The following CTNNA2 variants were observed in gnomAD, a reference collection of about 807,000 sequenced individuals.
The protein encoded by CTNNA2 is catenin alpha-2.
A neutral mutation model predicts 101.0 loss-of-function variants in CTNNA2; 42 were observed. That is an observed-to-expected ratio of 0.42 (90% CI 0.32 to 0.54). The LOEUF is 0.54. Ranked by LOEUF, CTNNA2 falls within the 20% of genes least tolerant of loss-of-function variation. The pLI is 0.14. For missense variants in CTNNA2, 871 were observed against 1,223.1 expected, an observed-to-expected ratio of 0.71 and a Z score of 4.29; for synonymous variants, 450 against 456.4, an observed-to-expected ratio of 0.99 and a Z score of 0.18.
chr2:79,315,709 T>G (rs1170234597), intron 3 of CTNNA2, among the ~76,000 whole-genome samples: 1 of 152,172 alleles, frequency 6.6e-6, no homozygotes, highest in Non-Finnish European at 1.5e-5. Flanking sequence ...ATAGTGCTAC[T>G]ATGAATATCC....
intron 9 of CTNNA2, among the ~76,000 whole-genome samples, chr2:80,428,015 G>C (rs776478001): frequency 1.3e-5 from 2 of 152,204 alleles, no homozygotes; most frequent in African/African-American, 2.4e-5. Context: ...GAATGAAGGA[G>C]GAGGGCATGT....
intron 9 of CTNNA2, among the ~76,000 whole-genome samples, chr2:80,511,708 C>A (rs770841722): frequency 3.3e-5 from 5 of 152,152 alleles, no homozygotes; most frequent in African/African-American, 7.2e-5. Flanking sequence ...TACTGTAATA[C>A]TACTAAAAAT....
chr2:79,735,393 C>T (rs1026730647), intron 2 of CTNNA2, among the ~76,000 whole-genome samples: 10 of 152,098 alleles, frequency 6.6e-5, no homozygotes, highest in African/African-American at 2.4e-4. Flanking sequence ...TCACCGACAA[C>T]ATGAAAGGAT....
At chr2:79,251,148 C>G (rs928961026) in intron 2 of CTNNA2, among the ~76,000 whole-genome samples, 4 of 152,124 alleles carry the variant, frequency 2.6e-5, no homozygotes, top group Non-Finnish European at 4.4e-5. Context: ...CACCAAGGCC[C>G]CAGATGCCCA....
chr2:79,447,321 T>C (rs544332056), intron 4 of CTNNA2, among the ~76,000 whole-genome samples: 3 of 152,102 alleles, frequency 2.0e-5, no homozygotes, highest in African/African-American at 7.2e-5. Flanking sequence ...GTTAGCCTTA[T>C]GCTATAAAAA....
Position 79,646,573 on chromosome 2 carries a change from G to A in CTNNA2, c.-5-4979G>A, listed in dbSNP as rs114313928. Among the ~76,000 whole-genome samples, 1,131 of 136,176 alleles carry A rather than the reference G, an allele frequency of 8.3e-3. 22 individuals are homozygous for A. The highest frequency in any genetic ancestry group is 0.029 in the African/African-American group (1,040 of 36,396). 89.3% of individuals were successfully genotyped at this position (136,176 alleles called of 152,430 possible). ...AGAAAGGATCTCATTCTGTTGCTCA[G>A]GCTGGAGTGCAGTGGCACAATCATG... On this transcript the variant is annotated intron_variant, in intron 1 of 18. Transcript: ENST00000402739.
chr2:80,311,690 T>C (rs944667888), intron 7 of CTNNA2, among the ~76,000 whole-genome samples: 1 of 152,252 alleles, frequency 6.6e-6, no homozygotes, highest in Non-Finnish European at 1.5e-5. Flanking sequence ...TAAAAGTATT[T>C]AAATGCATTT....
At chr2:79,892,599 C>A (rs1333114490) in intron 6 of CTNNA2, among the ~76,000 whole-genome samples, 2 of 152,096 alleles carry the variant, frequency 1.3e-5, no homozygotes, top group African/African-American at 4.8e-5. Context: ...AAAGATAGGG[C>A]ACTTGTATTT....
chr2:80,538,771 G>A (rs551302496), intron 9 of CTNNA2, among the ~76,000 whole-genome samples: 2 of 152,272 alleles, frequency 1.3e-5, no homozygotes, highest in African/African-American at 4.8e-5. Context: ...GAAAGTGAAT[G>A]GTAGCTTAAT....
intron 9 of CTNNA2, among the ~76,000 whole-genome samples, chr2:80,465,518 T>C (rs962294409): frequency 1.3e-5 from 2 of 152,130 alleles, no homozygotes; most frequent in Admixed American, 6.5e-5. Flanking sequence ...TATCTTGGAA[T>C]GCTTGAAGAA....
At chr2:80,056,211 C>T (rs1230566892) in intron 7 of CTNNA2, among the ~76,000 whole-genome samples, 1 of 152,120 alleles carries the variant, frequency 6.6e-6, no homozygotes, top group African/African-American at 2.4e-5. Flanking sequence ...AGAGAAAAAG[C>T]ATGAGAGAGG....
chr2:80,382,657 G>A (rs1190954745), intron 7 of CTNNA2, among the ~76,000 whole-genome samples: 1 of 152,164 alleles, frequency 6.6e-6, no homozygotes, highest in East Asian at 1.9e-4. Context: ...GGCACAGGGA[G>A]GTCAAGACTG....
At chr2:79,868,277 G>A (rs902872916) in intron 4 of CTNNA2, among the ~76,000 whole-genome samples, 2 of 152,082 alleles carry the variant, frequency 1.3e-5, no homozygotes, top group African/African-American at 4.8e-5. Flanking sequence ...TCCCAATCCA[G>A]GACATAAACG....
intron 7 of CTNNA2, among the ~76,000 whole-genome samples, chr2:80,373,412 A>G (rs1675636149): frequency 6.6e-6 from 1 of 152,202 alleles, no homozygotes; most frequent in Admixed American, 6.5e-5. Flanking sequence ...AATATTGCCC[A>G]TAAGGGGATA....
At chr2:80,122,408 C>A (rs1259479765) in intron 7 of CTNNA2, among the ~76,000 whole-genome samples, 5 of 151,350 alleles carry the variant, frequency 3.3e-5, no homozygotes, top group African/African-American at 7.3e-5. Context: ...CTCTTTCTCT[C>A]TTTGCCCAAC....
intron 17 of CTNNA2, among the ~76,000 whole-genome samples, chr2:80,608,940 A>G (rs1258690177): frequency 2.0e-5 from 3 of 151,844 alleles, no homozygotes; most frequent in Non-Finnish European, 4.4e-5. Flanking sequence ...GTCCATTTTT[A>G]TCAAATGCAT....
intron 4 of CTNNA2, among the ~76,000 whole-genome samples, chr2:79,448,739 A>T (rs1486561517): frequency 6.6e-6 from 1 of 152,058 alleles, no homozygotes. Context: ...TTCTCGTGAC[A>T]GGTCTTCTGG....
chr2:79,838,217 A>G (rs1032262892), intron 3 of CTNNA2, among the ~76,000 whole-genome samples: 4 of 152,168 alleles, frequency 2.6e-5, no homozygotes, highest in Non-Finnish European at 5.9e-5. Context: ...ATGAAAGTTG[A>G]GGGTTTAATG....
chr2:79,985,046 T>C (rs1319191539), intron 7 of CTNNA2, among the ~76,000 whole-genome samples: 1 of 152,136 alleles, frequency 6.6e-6, no homozygotes, highest in Non-Finnish European at 1.5e-5. Context: ...TGTCCAAAAA[T>C]GTTTACCTTC....
Sources: gnomAD v4.1 joint callset for allele counts (sites outside exome capture counted in the v4.1 genomes callset) on GRCh38, gnomAD v4.1.1 for gene constraint, MANE v1.5 for transcripts, NCBI Gene and HGNC (gene_info 2026-07-23, HGNC 2026-07-21) for gene names.